CSMD3: variants seen among roughly 807,000 people sequenced by gnomAD.
CSMD3 encodes CUB and sushi domain-containing protein 3.
Under a neutral mutation model 435.2 loss-of-function variants are expected in CSMD3, and 177 were observed. The observed-to-expected ratio is 0.41, with a 90% CI of 0.36 to 0.46. The LOEUF is 0.46. CSMD3 is among the 20% of genes least tolerant of loss of function. The pLI is 0.34. For synonymous variants in CSMD3, 1,656 were observed against 1,520.5 expected (o/e 1.09, Z -2.07); for missense variants, 4,265 against 4,504.6 (o/e 0.95, Z 1.52).
chr8:112,407,524 T>G (rs1831964954), intron 34 of CSMD3, among the ~76,000 whole-genome samples: 1 of 152,022 alleles, frequency 6.6e-6, no homozygotes, highest in Admixed American at 6.6e-5. Flanking sequence ...TGAGTAAATA[T>G]AATTCCATTC....
chr8:112,543,644 C>T (rs971243663), intron 27 of CSMD3, among the ~76,000 whole-genome samples: 1 of 151,940 alleles, frequency 6.6e-6, no homozygotes, highest in African/African-American at 2.4e-5. Flanking sequence ...CAAAATGGTG[C>T]CAGCCACTAT....
chr8:112,991,211 T>C (rs960652878), intron 6 of CSMD3, among the ~76,000 whole-genome samples: 10 of 151,520 alleles, frequency 6.6e-5, no homozygotes, highest in Admixed American at 4.6e-4. Context: ...TATATATATA[T>C]AGTTGCTGAA....
At chr8:112,629,759 A>G (rs1293907301) in intron 22 of CSMD3, among the ~76,000 whole-genome samples, 1 of 152,180 alleles carries the variant, frequency 6.6e-6, no homozygotes, top group Non-Finnish European at 1.5e-5. Flanking sequence ...GGTATGGTGG[A>G]CAGACTTTAA....
At chr8:112,986,634 A>T (rs1254850527) in intron 6 of CSMD3, among the ~76,000 whole-genome samples, 1 of 152,122 alleles carries the variant, frequency 6.6e-6, no homozygotes, top group African/African-American at 2.4e-5. Flanking sequence ...TGAGGAAAAA[A>T]TTCATATTGA....
chr8:113,285,687 T>A lies in CSMD3; in HGVS notation c.402-6983A>T, dbSNP rs551949747. On this transcript the variant is annotated intron_variant, in intron 2 of 70. Transcript: ENST00000297405. ...CATCCTGGAATCATGCAATATAAAT[T>A]TCAGGCAGATATTTTTAATATGTCA... Among the ~76,000 whole-genome samples, 11 of 152,310 alleles carry A rather than the reference T, an allele frequency of 7.2e-5. No individual in the cohort carries two copies. The East Asian group carries it at 2.1e-3, about 29-fold the overall frequency.
intron 13 of CSMD3, among the ~76,000 whole-genome samples, chr8:112,757,549 A>G (rs1029123514): frequency 1.4e-4 from 21 of 152,216 alleles, no homozygotes; most frequent in Admixed American, 1.4e-3. Flanking sequence ...TTCATTTAAA[A>G]TATTTTTTGT....
chr8:112,739,663 T>C (rs1286452987), intron 13 of CSMD3, among the ~76,000 whole-genome samples: 1 of 151,736 alleles, frequency 6.6e-6, no homozygotes, highest in Non-Finnish European at 1.5e-5. Flanking sequence ...TAAGATTCAA[T>C]GTACACCATT....
In CSMD3 at chr8:112,303,524, C is replaced by A. The variant is rs1821124067; in HGVS notation, c.8266+1197G>T. ...GAGCTGAGATCGCGCCACTGCACTC[C>A]AGCCTGGCAGACAGAGCAAGACTCT... On this transcript the variant is annotated intron_variant, in intron 52 of 70. Transcript: ENST00000297405. Among the ~76,000 whole-genome samples, 4 of 152,116 alleles carry A rather than the reference C, an allele frequency of 2.6e-5. No individual in the cohort carries two copies. The South Asian group carries it at 8.3e-4, about 32-fold the overall frequency.
At chr8:112,820,709 T>C (rs1438652212) in intron 12 of CSMD3, among the ~76,000 whole-genome samples, 1 of 151,696 alleles carries the variant, frequency 6.6e-6, no homozygotes, top group Admixed American at 6.6e-5. Flanking sequence ...GCTACGTAGG[T>C]ATACACGTGC....
chr8:112,307,819 G>T lies in CSMD3; in HGVS notation c.7886-1627C>A, dbSNP rs535802909. Among the ~76,000 whole-genome samples the T allele has an allele frequency of 5.3e-5, 8 of 152,206 alleles. No individual in the cohort carries two copies. The East Asian group carries it at 1.5e-3, about 29-fold the overall frequency. On this transcript the variant is annotated intron_variant, in intron 50 of 70. Transcript: ENST00000297405. ...ATTTATATTTTCTCTCATAACAGAA[G>T]AAATAAACTACAGAAAGATGAGTTT... is the stretch of plus-strand genomic sequence containing the variant.
intron 1 of CSMD3, among the ~76,000 whole-genome samples, chr8:113,359,695 T>C (rs2094258518): frequency 6.6e-6 from 1 of 152,222 alleles, no homozygotes. Flanking sequence ...TGCGTATTGG[T>C]TGTTGCAAGC....
At chr8:113,122,774 T>C (rs2091020753) in intron 4 of CSMD3, among the ~76,000 whole-genome samples, 1 of 152,090 alleles carries the variant, frequency 6.6e-6, no homozygotes, top group African/African-American at 2.4e-5. Context: ...GTGGCAGGCC[T>C]ATGACCTACA....
chr8:113,334,717 T>C (rs749738589), intron 1 of CSMD3, among the ~76,000 whole-genome samples: 21 of 152,118 alleles, frequency 1.4e-4, no homozygotes, highest in Non-Finnish European at 4.4e-5. Flanking sequence ...TGCACTTTTG[T>C]AATTGTGAAT....
chr8:113,354,107 T>C (rs2094206661), intron 1 of CSMD3, among the ~76,000 whole-genome samples: 2 of 152,160 alleles, frequency 1.3e-5, no homozygotes, highest in African/African-American at 4.8e-5. Flanking sequence ...GACCGACCAT[T>C]GCATGTTTCT....
At chr8:112,730,361 A>G (rs2077049555) in intron 13 of CSMD3, among the ~76,000 whole-genome samples, 1 of 152,130 alleles carries the variant, frequency 6.6e-6, no homozygotes, top group Admixed American at 6.6e-5. Flanking sequence ...AGAATTACTG[A>G]TGATGATAAA....
In CSMD3 at chr8:113,269,029, T is replaced by C. The variant is rs537693966; in HGVS notation, c.514+9563A>G. ...CAATTAATGCTGGAATCCAAGATAA[T>C]TGCAAAATATAAATGTCAAAATGGT... On this transcript the variant is annotated intron_variant, in intron 3 of 70. Transcript: ENST00000297405. Among the ~76,000 whole-genome samples the C allele has an allele frequency of 9.0e-4, 137 of 152,242 alleles. 3 individuals carry two copies. The East Asian group carries it at 9.7e-3, about 11-fold the overall frequency.
At chr8:113,238,358 C>A (rs774467162) in intron 3 of CSMD3, among the ~76,000 whole-genome samples, 1 of 152,018 alleles carries the variant, frequency 6.6e-6, no homozygotes, top group East Asian at 1.9e-4. Flanking sequence ...GGGAAAACAT[C>A]CACTTTTTCA....
At chr8:112,958,540 TC>T (rs1292078384) in intron 7 of CSMD3, among the ~76,000 whole-genome samples, 4 of 152,152 alleles carry the variant, frequency 2.6e-5, no homozygotes, top group African/African-American at 9.6e-5. Context: ...TTCCAGGTTG[TC>T]CGTTGTCTTC....
At chr8:113,362,118 G>A (rs573956539) in intron 1 of CSMD3, among the ~76,000 whole-genome samples, 1 of 152,112 alleles carries the variant, frequency 6.6e-6, no homozygotes, top group Admixed American at 6.6e-5. Context: ...AGTTGAACTT[G>A]CATTGAACAT....
Sources: allele counts gnomAD v4.1 joint callset (sites outside exome capture counted in the v4.1 genomes callset), GRCh38; gene constraint gnomAD v4.1.1; transcripts MANE v1.5; gene names NCBI Gene and HGNC (gene_info 2026-07-23, HGNC 2026-07-21).